The following TTN variants were observed in gnomAD, a reference collection of about 807,000 sequenced individuals.
TTN encodes the protein connectin.
In TTN, 1,525 loss-of-function variants were observed where a neutral mutation model predicts 3,223.0. The observed-to-expected ratio is 0.47, with a 90% confidence interval of 0.45 to 0.49. The LOEUF (loss-of-function observed/expected upper bound fraction) is 0.49, where lower values mean the gene tolerates loss of function less well. TTN is among the 20% of genes least tolerant of loss of function. The pLI is 0.00. For synonymous variants in TTN, 14,094 were observed against 15,161.0 expected (o/e 0.93, Z 5.17); for missense variants, 40,786 against 43,424.0 (o/e 0.94, Z 5.40).
In TTN at chr2:178,702,058, G is replaced by A; in HGVS notation, c.30520C>T (p.Leu10174Phe). The A allele has an allele frequency of 6.2e-7, 1 of 1,610,514 alleles. No homozygotes were observed. The highest frequency in any genetic ancestry group is 8.5e-7 in the Non-Finnish European group (1 of 1,178,518). The change falls in exon 109 of 363, where the codon CTT becomes TTT. Residue 10174 changes from leucine to phenylalanine, a missense_variant. Transcript: ENST00000589042. ...AACTTACCAGGAGGCTTCAGCTCAAGTTTGATTTCTGCAAAATAAAAAAAA... is the reference window on the plus strand; with the variant it reads ...AACTTACCAGGAGGCTTCAGCTCAAATTTGATTTCTGCAAAATAAAAAAAA... ...ELYLTTKEIK[L>F]ELKPPDIPDS...
intron 143 of TTN, 73 bp from the exon 144 acceptor site, chr2:178,678,570 TTAAGA>T (rs1211917558): frequency 2.0e-5 from 26 of 1,312,564 alleles, no homozygotes; most frequent in Middle Eastern, 3.7e-4. Flanking sequence ...TTTCAAAAGA[TTAAGA>T]TAAGGTAATA....
intron 6 of TTN, among the ~76,000 whole-genome samples, chr2:178,797,369 AT>A (rs201930473): frequency 0.093 from 13,863 of 149,524 alleles, 653 homozygotes; most frequent in Non-Finnish European, 0.11. Flanking sequence ...AACATCTAGC[AT>A]TTTTTTTCAC....
At position 178,715,307 on chromosome 2, in the gene TTN, A is replaced by G. The variant is rs761681099; in HGVS notation, c.25922-43T>C. 1.9e-6 allele frequency: 3 copies of G among 1,543,588 alleles called. No individual in the cohort carries two copies. In the South Asian group the frequency reaches 3.9e-5, roughly 20 times the overall value. ...GAAAATACGGATGTATTCTGTAAGT[A>G]TATAGTTAAAAGTAAGAATCAATCT... On this transcript the variant is annotated intron_variant, in intron 89 of 362. Transcript: ENST00000589042.
In TTN at chr2:178,764,645, A is replaced by T. The variant is rs727503680; in HGVS notation, c.9870T>A (p.Asp3290Glu). The T allele has an allele frequency of 6.2e-6, 10 of 1,614,088 alleles. No homozygotes were observed. The highest frequency in any genetic ancestry group is 8.5e-6 in the Non-Finnish European group (10 of 1,179,992). Residue 3290 changes from aspartate (D) to glutamate (E), a missense_variant, in exon 42 of 363, where the codon GAT (aspartate) becomes GAA (glutamate). By Grantham distance (45) the Asp-to-Glu change is conservative. Coordinates refer to ENST00000589042, the MANE Select transcript of TTN (RefSeq NM_001267550.2). ...TTAGCAAAAGCGTGTATTCTTGCCC[A>T]TCATGAAGAAATTTGCACTTGAAGC... ...STGFKCKFLHDGQEYTLLLIE... is the reference protein window; with the variant it reads ...STGFKCKFLHEGQEYTLLLIE...
At position 178,777,513 on chromosome 2, in the gene TTN, C is replaced by A. The variant is rs755962102; in HGVS notation, c.4552G>T (p.Val1518Phe). 1 of 1,613,804 alleles carries A rather than the reference C, an allele frequency of 6.2e-7. No individual in the cohort carries two copies. The highest frequency in any genetic ancestry group is 8.5e-7 in the Non-Finnish European group (1 of 1,179,924). Residue 1518 changes from valine (V) to phenylalanine (F), a missense_variant, in exon 26 of 363, where the codon GTC (valine) becomes TTC (phenylalanine). Transcript: ENST00000589042. ...CCAGAATCACTGGGTGTGGCAGGGACAATAATTAGTGATTGAGTACCATCT... is the reference window on the plus strand; with the variant it reads ...CCAGAATCACTGGGTGTGGCAGGGAAAATAATTAGTGATTGAGTACCATCT... ...KEDGTQSLII[V>F]PATPSDSGEW...
At chr2:178,691,918 G>C in intron 121 of TTN, 98 bp downstream of exon 121, 1 of 955,558 alleles carries the variant, frequency 1.0e-6, no homozygotes, top group Non-Finnish European at 1.5e-6. Context: ...ATGTAAAAGA[G>C]ACAAAAGACA....
rs571572592 is a variant in TTN, at chr2:178,773,874, G to A, written c.7294C>T (p.Leu2432Phe). The stretch of plus-strand genomic sequence containing the variant: ...ACACGCCCACTGGTGGAGAGGCCAA[G>A]GGCTGGAATGGTGAAAGAGTAATTT... ...AGNYSFTIPALGLSTSGRVSV... is the reference protein window; with the variant it reads ...AGNYSFTIPAFGLSTSGRVSV... The change falls in exon 31 of 363, where the codon CTT becomes TTT. Residue 2432 changes from leucine to phenylalanine, a missense_variant. Transcript: ENST00000589042. 6.2e-7 allele frequency: 1 copy of A among 1,614,090 alleles called. No individual in the cohort carries two copies. Among genetic ancestry groups the A allele is most frequent in the African/African-American group, 1.3e-5 (1 of 75,032 alleles).
chr2:178,558,959 GTACACACGCACA>G, intron 326 of TTN: 2 of 376,762 alleles, frequency 5.3e-6, no homozygotes. Flanking sequence ...TACAATTTCT[GTACACACGCACA>G]TACACACATA....
Position 178,531,958 on chromosome 2 carries a change from G to A in TTN, c.104657C>T (p.Ser34886Phe), listed in dbSNP as rs1344210134. Residue 34886 changes from serine to phenylalanine, a missense_variant, in exon 358 of 363, where the codon TCC becomes TTC. Ser to Phe is a radical substitution (Grantham distance 155). Coordinates refer to ENST00000589042, the MANE Select transcript of TTN (RefSeq NM_001267550.2). ...TCTCTCACTAGACACAGGGCTGGGGGATCGTGGGCGAGTTCTCTCTGGAGT... is the reference window on the plus strand; with the variant it reads ...TCTCTCACTAGACACAGGGCTGGGGAATCGTGGGCGAGTTCTCTCTGGAGT... ...SPTPERTRPR[S>F]PSPVSSERSL... 18 of 1,613,626 alleles carry A rather than the reference G, an allele frequency of 1.1e-5. No individual in the cohort carries two copies. The highest frequency in any genetic ancestry group is 1.5e-5 in the Non-Finnish European group (18 of 1,179,780).
At chr2:178,779,594 T>A in intron 22 of TTN, 132 bp from the exon 23 acceptor site, 1 of 652,272 alleles carries the variant, frequency 1.5e-6, no homozygotes, top group South Asian at 2.0e-5. Context: ...TTGGTTTGTT[T>A]GTTTTAATCT....
chr2:178,559,608 C>G lies in TTN; in HGVS notation c.86524G>C (p.Val28842Leu). 4 of 1,613,850 alleles carry G rather than the reference C, an allele frequency of 2.5e-6. No homozygotes were observed. The highest frequency in any genetic ancestry group is 3.4e-6 in the Non-Finnish European group (4 of 1,179,780). Residue 28842 changes from valine (V) to leucine (L), a missense_variant, in exon 326 of 363, where the codon GTT becomes CTT. By Grantham distance (32) the Val-to-Leu change is conservative. Transcript: ENST00000589042. ...GTTGGAGGACCTGGGGTATCTAAAA[C>G]TTTGACAACTAAGGTCAGTGAAGCA... The part of the protein sequence containing the change: ...SAASLTLVVK[V>L]LDTPGPPTNI...
chr2:178,766,273 C>T, intron 41 of TTN, 108 bp downstream of exon 41: 2 of 895,800 alleles, frequency 2.2e-6, no homozygotes, highest in East Asian at 4.9e-5. Flanking sequence ...CACATGAATA[C>T]CATAGGTTCT....
At position 178,730,081 on chromosome 2, in the gene TTN, T is replaced by C. The variant is rs376899412; in HGVS notation, c.18307+12A>G. On this transcript the variant is annotated intron_variant, in intron 62 of 362. Coordinates refer to ENST00000589042, the MANE Select transcript of TTN (RefSeq NM_001267550.2). ...AGACAAGCAAGAAAGTGAGGAGATG[T>C]AGAGACCAGACCTTTTACAAAGAGA... The C allele has an allele frequency of 4.8e-5, 77 of 1,607,266 alleles. No homozygotes were observed. In the Middle Eastern group the frequency reaches 5.0e-4, roughly 10 times the overall value.
rs544750835 is a variant in TTN, at chr2:178,566,054, T to C, written c.80078A>G (p.Lys26693Arg). 1 of 1,613,600 alleles carries C rather than the reference T, an allele frequency of 6.2e-7. No individual in the cohort carries two copies. The highest frequency in any genetic ancestry group is 8.5e-7 in the Non-Finnish European group (1 of 1,179,634). Reference sequence around the variant, plus strand: ...GAAGGCAGAATCTTTTCTCACTTCTTTGACTGCCAAATTCTGTGGTGGTCC... The same window carrying C: ...GAAGGCAGAATCTTTTCTCACTTCTCTGACTGCCAAATTCTGTGGTGGTCC... ...TPGPPQNLAV[K>R]EVRKDSAFLV... Residue 26693 changes from lysine (K) to arginine (R), a missense_variant, in exon 326 of 363, where the codon AAA becomes AGA. Transcript: ENST00000589042.
rs1458495742 is a variant in TTN, at chr2:178,652,680, T to A, written c.39016A>T (p.Lys13006Ter). The A allele has an allele frequency of 6.2e-7, 1 of 1,613,324 alleles. No homozygotes were observed. The highest frequency in any genetic ancestry group is 1.3e-5 in the African/African-American group (1 of 74,898). The change falls in exon 201 of 363, where the codon AAA (lysine) becomes TAA (stop). Residue 13006 changes from lysine to a stop codon, truncating the protein, a stop_gained. Transcript: ENST00000589042. LOFTEE classifies it high-confidence loss of function. ...PEKKVPSAPP[K>*]KPEVPPVKVP... ...TTAACAGGTGGGACTTCAGGCTTTT[T>A]AGGAGGAGCCGAGGGCACTTTCTTT...
Position 178,646,006 on chromosome 2 carries a change from T to C in TTN, c.40322A>G (p.Glu13441Gly). Residue 13441 changes from glutamate (E) to glycine (G), a missense_variant, in exon 217 of 363, where the codon GAG becomes GGG. By Grantham distance (98) the Glu-to-Gly change is moderately conservative (BLOSUM62 -2). Transcript: ENST00000589042. ...VKEPEPEKVI[E>G]KPKLKPRPPP... The stretch of plus-strand genomic sequence containing the variant: ...GGGTCTTGGTTTGAGTTTTGGCTTC[T>C]CAATAACCTTTTCAGGTTCAGGTTC... 6.4e-7 allele frequency: 1 copy of C among 1,574,022 alleles called. No individual in the cohort carries two copies. Among genetic ancestry groups the C allele is most frequent in the Non-Finnish European group, 8.6e-7 (1 of 1,164,012 alleles).
At position 178,549,435 on chromosome 2, in the gene TTN, T is replaced by C. The variant is rs16866391; in HGVS notation, c.92191A>G (p.Ile30731Val). The C allele has an allele frequency of 0.011, 17,695 of 1,610,898 alleles. 1,504 individuals are homozygous for C. The Admixed American group carries it at 0.18, about 17-fold the overall frequency. Residue 30731 changes from isoleucine (I) to valine (V), a missense_variant, in exon 339 of 363, where the codon ATA (isoleucine) becomes GTA (valine). Transcript: ENST00000589042. ...DAPGIPEPSN[I>V]TGNSITLTWA... ...GTCAGGGTAATGCTGTTGCCTGTTA[T>C]GTTGCTAGGTTCTGGAATGCCAGGG...
At position 178,613,863 on chromosome 2, in the gene TTN, G is replaced by A. The variant is rs763053848; in HGVS notation, c.49420C>T (p.Pro16474Ser). The change falls in exon 263 of 363, where the codon CCA becomes TCA. Residue 16474 changes from proline to serine, a missense_variant. Pro to Ser is a moderately conservative substitution (Grantham distance 74). Transcript: ENST00000589042. ...KDAVTLTWCEPDDDGGSPITG... is the reference protein window; with the variant it reads ...KDAVTLTWCESDDDGGSPITG... ...ATTGGGCTGCCACCATCATCATCTG[G>A]CTCACACCATGTGAGAGTCACTGCG... 5.0e-6 allele frequency: 8 copies of A among 1,612,050 alleles called. No individual in the cohort carries two copies. The South Asian group carries it at 8.8e-5, about 18-fold the overall frequency.
intron 138 of TTN, 147 bp downstream of exon 138, chr2:178,680,932 A>T: frequency 1.4e-6 from 1 of 728,926 alleles, no homozygotes; most frequent in Non-Finnish European, 2.2e-6. Flanking sequence ...TTATCTTCTT[A>T]TCCTGTATTT....
Sources: gnomAD v4.1 joint callset for allele counts (sites outside exome capture counted in the v4.1 genomes callset) on GRCh38, gnomAD v4.1.1 for gene constraint, MANE v1.5 for transcripts, NCBI Gene and HGNC (gene_info 2026-07-23, HGNC 2026-07-21) for gene names.